Variants in TRIP12 observed in about 807,000 individuals in gnomAD.
TRIP12 encodes E3 ubiquitin-protein ligase TRIP12.
In TRIP12, 25 loss-of-function variants were observed where a neutral mutation model predicts 244.2. The ratio of observed to expected loss-of-function variants is 0.10; its 90% CI spans 0.07 to 0.14. The LOEUF is 0.14. Ranked by LOEUF, TRIP12 falls within the 10% of genes least tolerant of loss-of-function variation. The probability of loss-of-function intolerance (pLI) is 1.00; values close to 1 mark genes in which losing one functional copy is unlikely to be tolerated. For missense variants in TRIP12, 1,677 were observed against 2,486.4 expected, an observed-to-expected ratio of 0.67 and a Z score of 6.92; for synonymous variants, 905 against 873.1, an observed-to-expected ratio of 1.04 and a Z score of -0.64.
chr2:229,921,609 G>T (rs1057321654), intron 1 of TRIP12: 1 of 152,102 alleles, frequency 6.6e-6, no homozygotes, highest in Non-Finnish European at 1.5e-5. Flanking sequence ...GCCGGAGGAG[G>T]GACCCAGCGA....
intron 4 of TRIP12, among the ~76,000 whole-genome samples, chr2:229,850,297 T>A (rs1221849471): frequency 6.6e-6 from 1 of 152,246 alleles, no homozygotes; most frequent in African/African-American, 2.4e-5. Context: ...CTGTTTAAAG[T>A]TTTTTTAAAG....
At chr2:229,849,982 T>C (rs951570619) in intron 4 of TRIP12, among the ~76,000 whole-genome samples, 4 of 150,210 alleles carry the variant, frequency 2.7e-5, no homozygotes, top group African/African-American at 7.3e-5. Flanking sequence ...TTAAAAGTGA[T>C]TTTGTATTTT....
chr2:229,847,870 A>C (rs2057895970), intron 4 of TRIP12, among the ~76,000 whole-genome samples: 1 of 152,180 alleles, frequency 6.6e-6, no homozygotes, highest in Admixed American at 6.5e-5. Context: ...AGAATATAGA[A>C]ATTCCTGACT....
chr2:229,841,184 C>G (rs2056344431), intron 4 of TRIP12, among the ~76,000 whole-genome samples: 1 of 152,174 alleles, frequency 6.6e-6, no homozygotes, highest in South Asian at 2.1e-4. Context: ...GCCTATCTCT[C>G]CTCTTTCAAA....
chr2:229,917,380 C>CAA (rs60397605), intron 1 of TRIP12, among the ~76,000 whole-genome samples: 377 of 29,260 alleles, frequency 0.013, 113 homozygotes, highest in Non-Finnish European at 0.018. Context: ...GACTCTGTCT[C>CAA]AAAAAAAAAA....
At chr2:229,880,673 G>A (rs1242941342) in intron 1 of TRIP12, among the ~76,000 whole-genome samples, 3 of 152,238 alleles carry the variant, frequency 2.0e-5, no homozygotes, top group Non-Finnish European at 4.4e-5. Context: ...GCCGGGTGGA[G>A]TGGCTCACAC....
intron 8 of TRIP12, among the ~76,000 whole-genome samples, chr2:229,821,915 G>A (rs1346755878): frequency 1.2e-4 from 18 of 152,112 alleles, no homozygotes; most frequent in Non-Finnish European, 1.3e-4. Flanking sequence ...CAAGATGGGC[G>A]GATCACCTGA....
chr2:229,784,087 G>A (rs1251268261), intron 34 of TRIP12, among the ~76,000 whole-genome samples: 7 of 141,648 alleles, frequency 4.9e-5, no homozygotes, highest in African/African-American at 1.6e-4. Flanking sequence ...TCCAGCCTGG[G>A]CAACAAGAGC....
rs377494354 is a variant in TRIP12, at chr2:229,879,857, G to C, written c.98+125C>G. 249 of 1,077,828 alleles carry C rather than the reference G, an allele frequency of 2.3e-4. 1 individual carries two copies. In the East Asian group the frequency reaches 5.5e-3, roughly 24 times the overall value. The allele number at this position is 1,077,828 out of a possible 1,614,324, so 66.8% of individuals were successfully genotyped here. ...ATTCCAGTTTGCTTTTAAGTACCTG[G>C]CTCACAAATCAGGAAAAATTACCCA... On this transcript the variant is annotated intron_variant, in intron 2 of 41. Transcript: ENST00000675903.
intron 15 of TRIP12, 75 bp from the exon 16 acceptor site, chr2:229,808,444 C>T: frequency 1.1e-6 from 1 of 901,856 alleles, no homozygotes. Flanking sequence ...AAACATTGCC[C>T]AAGGGGGGAA....
chr2:229,919,087 C>A (rs2076019409), intron 1 of TRIP12, among the ~76,000 whole-genome samples: 1 of 152,126 alleles, frequency 6.6e-6, no homozygotes, highest in Non-Finnish European at 1.5e-5. Flanking sequence ...GATATTAAAA[C>A]CTTGTCTAGA....
rs564310542 is a variant in TRIP12, at chr2:229,766,969, A to G, written c.*585T>C. 6.6e-6 allele frequency: 1 copy of G among 152,360 alleles called. No homozygotes were observed. Among genetic ancestry groups the G allele is most frequent in the African/African-American group, 2.4e-5 (1 of 41,592 alleles). 9.4% of individuals were successfully genotyped at this position (152,360 alleles called of 1,614,324 possible). On this transcript the variant is annotated 3_prime_UTR_variant, in exon 42 of 42. Transcript: ENST00000675903. ...AACTGGAGAGAACATGGGACAACAGAAGCCCATGGGTAACGAAAATTTGAG... is the reference window on the plus strand; with the variant it reads ...AACTGGAGAGAACATGGGACAACAGGAGCCCATGGGTAACGAAAATTTGAG...
At chr2:229,855,691 A>AGTATGAGGTATATTACTCAGAGAAGTT (rs2059494015) in intron 4 of TRIP12, among the ~76,000 whole-genome samples, 2 of 151,978 alleles carry the variant, frequency 1.3e-5, no homozygotes, top group African/African-American at 4.8e-5. Flanking sequence ...AACTCTGCCA[A>AGTATGAGGTATATTACTCAGAGAAGTT]GTATGAGGTA....
At chr2:229,773,952 GTGCC>G (rs1448049986) in intron 38 of TRIP12, 141 bp downstream of exon 38, 10 of 722,034 alleles carry the variant, frequency 1.4e-5, no homozygotes, top group Non-Finnish European at 2.1e-5. Flanking sequence ...AGAGAAGCTA[GTGCC>G]TTGTAAAGCA....
In TRIP12 at chr2:229,807,814, A is replaced by C; in HGVS notation, c.2390T>G (p.Met797Arg). 6.2e-7 allele frequency: 1 copy of C among 1,614,170 alleles called. No individual in the cohort carries two copies. Among genetic ancestry groups the C allele is most frequent in the Non-Finnish European group, 8.5e-7 (1 of 1,180,024 alleles). The stretch of plus-strand genomic sequence containing the variant: ...GTTCTGTGCATTTCCCTTCTTCAAC[A>C]TGGTATCAACTGCAAAAATGCCTTC... The part of the protein sequence containing the change: ...PKEGIFAVDT[M>R]LKKGNAQNTD... Residue 797 changes from methionine to arginine, a missense_variant, in exon 17 of 42, where the codon ATG becomes AGG. By Grantham distance (91) the Met-to-Arg change is moderately conservative. Transcript: ENST00000675903.
chr2:229,890,546 C>G (rs1211045505), intron 1 of TRIP12, among the ~76,000 whole-genome samples: 3 of 152,074 alleles, frequency 2.0e-5, no homozygotes, highest in African/African-American at 7.2e-5. Context: ...AGAGCTACAA[C>G]CTGGGGAACT....
At chr2:229,804,273 C>A in intron 18 of TRIP12, 46 bp from the exon 19 acceptor site, 1 of 1,463,494 alleles carries the variant, frequency 6.8e-7, no homozygotes, top group South Asian at 1.3e-5. Context: ...AAGTGACAGA[C>A]TTCAGAAACA....
chr2:229,809,458 A>C (rs1180092436), intron 15 of TRIP12, among the ~76,000 whole-genome samples: 1 of 152,184 alleles, frequency 6.6e-6, no homozygotes, highest in African/African-American at 2.4e-5. Flanking sequence ...AGAGGTGAAC[A>C]TATACTAAAA....
At chr2:229,856,142 G>A (rs1032190575) in intron 4 of TRIP12, among the ~76,000 whole-genome samples, 3 of 151,986 alleles carry the variant, frequency 2.0e-5, no homozygotes, top group South Asian at 4.2e-4. Flanking sequence ...CTACACAAAC[G>A]CTGGTTCCAT....
Sources: gnomAD v4.1 joint callset for allele counts (sites outside exome capture counted in the v4.1 genomes callset) on GRCh38, gnomAD v4.1.1 for gene constraint, MANE v1.5 for transcripts, NCBI Gene and HGNC (gene_info 2026-07-23, HGNC 2026-07-21) for gene names.